MYH10: variants seen among roughly 807,000 people sequenced by gnomAD.
MYH10 encodes the protein myosin heavy chain 10.
Under a neutral mutation model 257.8 loss-of-function variants are expected in MYH10, and 55 were observed. That is an observed-to-expected ratio of 0.21 (90% CI 0.17 to 0.27). The LOEUF (loss-of-function observed/expected upper bound fraction) is 0.27. MYH10 is among the 10% of genes least tolerant of loss of function. The pLI, the probability that MYH10 is intolerant of heterozygous loss-of-function variation, is 1.00. For missense variants in MYH10, 1,631 were observed against 2,500.6 expected (o/e 0.65, Z 7.42); for synonymous variants, 854 against 921.7 (o/e 0.93, Z 1.33).
In MYH10 at chr17:8,535,688, C is replaced by T. The variant is rs1414594181; in HGVS notation, c.1779+70G>A. ...ATGTTTATCAGCACCTTTGTTACAC[C>T]TTCATAAAAATGTAGCAAAATTTCA... On this transcript the variant is annotated intron_variant, in intron 15 of 42. Transcript: ENST00000360416. This position sits in a 1 kb window ranked among gnomAD's most constrained non-coding sequence, Gnocchi z 4.3. The T allele has an allele frequency of 5.4e-6, 8 of 1,481,344 alleles. No individual in the cohort carries two copies. Among genetic ancestry groups the T allele is most frequent in the Middle Eastern group, 1.8e-4 (1 of 5,664 alleles). 91.8% of individuals were successfully genotyped at this position (1,481,344 alleles called of 1,614,324 possible).
In MYH10 at chr17:8,623,195, T is replaced by C. The variant is rs1208658210; in HGVS notation, c.52A>G (p.Arg18Gly). 1 of 1,610,782 alleles carries C rather than the reference T, an allele frequency of 6.2e-7. No homozygotes were observed. Among genetic ancestry groups the C allele is most frequent in the South Asian group, 1.1e-5 (1 of 90,396 alleles). The stretch of plus-strand genomic sequence containing the variant: ...GTGGCAGGGTTGTAGATGACAGCCC[T>C]GTCCACAAAGAGATACCTCTCTGGA... ...EDPERYLFVDRAVIYNPATQA... is the reference protein window; with the variant it reads ...EDPERYLFVDGAVIYNPATQA... Residue 18 changes from arginine to glycine, a missense_variant, in exon 2 of 43, where the codon AGG becomes GGG. Coordinates refer to ENST00000360416, the MANE Select transcript of MYH10 (RefSeq NM_001256012.3).
At position 8,490,678 on chromosome 17, in the gene MYH10, CT is replaced by C; in HGVS notation, c.4672-127del. ...ACTTTGGTCCCCCTGGGCCGGCCCC[CT>C]GCCACATGCATACACATCCTTCCCT... On this transcript the variant is annotated intron_variant, in intron 34 of 42. Coordinates refer to ENST00000360416, the MANE Select transcript of MYH10 (RefSeq NM_001256012.3). This position sits in a 1 kb window ranked among gnomAD's most constrained non-coding sequence, Gnocchi z 4.1. The C allele has an allele frequency of 1.3e-6, 1 of 786,100 alleles. No individual in the cohort carries two copies. Among genetic ancestry groups the C allele is most frequent in the Non-Finnish European group, 2.2e-6 (1 of 465,042 alleles). 48.7% of individuals were successfully genotyped at this position (786,100 alleles called of 1,614,324 possible).
At chr17:8,510,953 C>T (rs914395439) in intron 24 of MYH10, among the ~76,000 whole-genome samples, 1 of 144,906 alleles carries the variant, frequency 6.9e-6, no homozygotes, top group African/African-American at 2.6e-5. Context: ...GATAGATTAC[C>T]CCATTTTATA....
Position 8,552,108 on chromosome 17 carries a change from T to G in MYH10, c.857A>C (p.Lys286Thr). The G allele has an allele frequency of 6.4e-7, 1 of 1,563,206 alleles. No individual in the cohort carries two copies. The highest frequency in any genetic ancestry group is 1.2e-5 in the South Asian group (1 of 80,530). Residue 286 changes from lysine to threonine, a missense_variant, in exon 9 of 43, where the codon AAA becomes ACA. Transcript: ENST00000360416. This position sits in a 1 kb window ranked among gnomAD's most constrained non-coding sequence, Gnocchi z 4.8. ...LEKSRAVRQAKDERTFHIFYQ... is the reference protein window; with the variant it reads ...LEKSRAVRQATDERTFHIFYQ... ...AAAGATATGAAAAGTACGTTCATCT[T>G]TTGCTTGACGAACAGCACGAGACTT...
intron 6 of MYH10, among the ~76,000 whole-genome samples, chr17:8,573,227 T>C (rs926704768): frequency 6.6e-6 from 1 of 152,234 alleles, no homozygotes; most frequent in African/African-American, 2.4e-5. Context: ...TAAAAATATA[T>C]ACCTCTTTCA....
At position 8,536,052 on chromosome 17, in the gene MYH10, G is replaced by A. The variant is rs557220195; in HGVS notation, c.1606-121C>T. On this transcript the variant is annotated intron_variant, in intron 14 of 42. Transcript: ENST00000360416. ...AAGATCCATGGAAAACAAATTGCTA[G>A]GATGGAAAGGAATGTCTAAGCCATA... 6.1e-5 allele frequency: 54 copies of A among 891,126 alleles called. No homozygotes were observed. In the African/African-American group the frequency reaches 7.9e-4, roughly 13 times the overall value. 55.2% of individuals were successfully genotyped at this position (891,126 alleles called of 1,614,324 possible). A position where few individuals can be genotyped will look rare whatever the true frequency, so the allele number is the denominator to read the frequency against.
chr17:8,481,072 TC>T (rs936738185), intron 38 of MYH10, among the ~76,000 whole-genome samples: 1 of 62,528 alleles, frequency 1.6e-5, no homozygotes, highest in East Asian at 4.7e-4. Flanking sequence ...ACCCCACGGC[TC>T]CCCCCTGCGG....
chr17:8,511,124 A>G (rs2081280445), intron 24 of MYH10: 1 of 151,150 alleles, frequency 6.6e-6, no homozygotes, highest in African/African-American at 2.4e-5. Flanking sequence ...AATTAAAAAC[A>G]AAGTGTTACA....
intron 35 of MYH10, 55 bp from the exon 36 acceptor site, chr17:8,487,649 C>T: frequency 6.2e-7 from 1 of 1,605,196 alleles, no homozygotes. Context: ...GCTCGCAGAA[C>T]AGGCAGACTG....
At chr17:8,598,466 CTT>C (rs1034000899) in intron 3 of MYH10, among the ~76,000 whole-genome samples, 2 of 152,134 alleles carry the variant, frequency 1.3e-5, no homozygotes, top group African/African-American at 4.8e-5. Context: ...CATTTTCCCT[CTT>C]GTTTTGGTTC....
At chr17:8,547,520 G>A (rs1247308889) in intron 11 of MYH10, among the ~76,000 whole-genome samples, 1 of 151,816 alleles carries the variant, frequency 6.6e-6, no homozygotes, top group African/African-American at 2.4e-5. Context: ...GAATTAAATT[G>A]TTATCAAGCC....
chr17:8,613,453 T>TA (rs1359161589), intron 2 of MYH10, among the ~76,000 whole-genome samples: 2 of 151,556 alleles, frequency 1.3e-5, no homozygotes, highest in African/African-American at 4.9e-5. Context: ...GAAGAGGAAA[T>TA]AAATTTGTTC....
At chr17:8,610,961 A>T (rs1014566943) in intron 2 of MYH10, among the ~76,000 whole-genome samples, 5 of 152,254 alleles carry the variant, frequency 3.3e-5, no homozygotes, top group African/African-American at 1.2e-4. Flanking sequence ...AAATAAGAAA[A>T]GTAACTGAAT....
chr17:8,511,743 C>T (rs1391299206), intron 24 of MYH10, among the ~76,000 whole-genome samples: 1 of 152,192 alleles, frequency 6.6e-6, no homozygotes, highest in African/African-American at 2.4e-5. Context: ...ATAAGCCCCA[C>T]ACAGAAGCAT....
intron 14 of MYH10, among the ~76,000 whole-genome samples, chr17:8,539,809 G>A (rs2082244939): frequency 6.6e-6 from 1 of 151,886 alleles, no homozygotes; most frequent in Admixed American, 6.6e-5. Context: ...GGCTGGTCTC[G>A]AACTCCTGGT....
At position 8,475,112 on chromosome 17, in the gene MYH10, A is replaced by C. The variant is rs150722057; in HGVS notation, c.*692T>G. On this transcript the variant is annotated 3_prime_UTR_variant, in exon 43 of 43. Coordinates refer to ENST00000360416, the MANE Select transcript of MYH10 (RefSeq NM_001256012.3). Reference sequence around the variant, plus strand: ...CTGCAGTGTGGCCACTATCCCTTCTATGCACAGACCAGCCCTCGCCAAGGC... The same window carrying C: ...CTGCAGTGTGGCCACTATCCCTTCTCTGCACAGACCAGCCCTCGCCAAGGC... The C allele has an allele frequency of 6.6e-6, 1 of 152,446 alleles. No individual in the cohort carries two copies. Among genetic ancestry groups the C allele is most frequent in the Non-Finnish European group, 1.5e-5 (1 of 68,248 alleles). 9.4% of individuals were successfully genotyped at this position (152,446 alleles called of 1,614,324 possible).
At chr17:8,589,460 C>CTTTAATA (rs1430313092) in intron 3 of MYH10, among the ~76,000 whole-genome samples, 1 of 152,194 alleles carries the variant, frequency 6.6e-6, no homozygotes, top group African/African-American at 2.4e-5. Context: ...CACTCCACCT[C>CTTTAATA]ACTAAATCAT....
intron 3 of MYH10, among the ~76,000 whole-genome samples, chr17:8,592,439 G>A (rs1206308010): frequency 6.6e-6 from 1 of 151,962 alleles, no homozygotes; most frequent in Non-Finnish European, 1.5e-5. Flanking sequence ...GACACAAACT[G>A]CCAATATCTG....
chr17:8,480,906 T>C (rs1913638806), intron 38 of MYH10, among the ~76,000 whole-genome samples: 1 of 10,778 alleles, frequency 9.3e-5, no homozygotes. Context: ...AATCAAATTC[T>C]AACTACTCAT....
Sources: allele counts gnomAD v4.1 joint callset (sites outside exome capture counted in the v4.1 genomes callset), GRCh38; gene constraint gnomAD v4.1.1; non-coding constraint Gnocchi (gnomAD v3.1); transcripts MANE v1.5; gene names NCBI Gene and HGNC (gene_info 2026-07-23, HGNC 2026-07-21).